ZNF813: variants seen among roughly 807,000 people sequenced by gnomAD.
ZNF813 encodes zinc finger protein 813.
In ZNF813, 3 loss-of-function variants were observed where a neutral mutation model predicts 7.2. The ratio of observed to expected loss-of-function variants is 0.42; its 90% CI spans 0.19 to 1.08. The LOEUF (loss-of-function observed/expected upper bound fraction) is 1.08. ZNF813 is among the 50% of genes least tolerant of loss of function. ZNF813 has a pLI of 0.30. For missense variants in ZNF813, 714 were observed against 753.3 expected (o/e 0.95, Z 0.61); for synonymous variants, 227 against 256.3 (o/e 0.89, Z 1.09).
At chr19:53,485,074 C>T (rs1208093071) in intron 2 of ZNF813, among the ~76,000 whole-genome samples, 1 of 152,118 alleles carries the variant, frequency 6.6e-6, no homozygotes, top group Non-Finnish European at 1.5e-5. Flanking sequence ...AAGTCTCATA[C>T]ACGTGTATTT....
chr19:53,479,664 T>A, intron 1 of ZNF813: 1 of 1,179,474 alleles, frequency 8.5e-7, no homozygotes, highest in Non-Finnish European at 1.2e-6. Context: ...AAGATGGAAC[T>A]CCAGGAAATC....
Position 53,469,456 on chromosome 19 carries a change from G to A in ZNF813, c.-74+1667G>A, listed in dbSNP as rs192662421. Reference sequence around the variant, plus strand: ...CTAAAGGGATCAGGAGACACACGCAGTAGAAAACCTGAGAAAGAAAAGAAT... The same window carrying A: ...CTAAAGGGATCAGGAGACACACGCAATAGAAAACCTGAGAAAGAAAAGAAT... On this transcript the variant is annotated intron_variant, in intron 1 of 3. Transcript: ENST00000396403. Among the ~76,000 whole-genome samples the A allele has an allele frequency of 1.2e-3, 189 of 152,190 alleles. 1 individual carries two copies. In the Middle Eastern group the frequency reaches 0.017, roughly 14 times the overall value.
At chr19:53,479,597 C>A (rs902861623) in intron 1 of ZNF813, 1 of 1,211,710 alleles carries the variant, frequency 8.3e-7, no homozygotes, top group Non-Finnish European at 1.2e-6. Context: ...GGAAAAGCTG[C>A]TGATGAGAGT....
intron 1 of ZNF813, among the ~76,000 whole-genome samples, chr19:53,473,590 T>C (rs2086369404): frequency 6.6e-6 from 1 of 152,170 alleles, no homozygotes; most frequent in Non-Finnish European, 1.5e-5. Flanking sequence ...AAGATTACAA[T>C]ATAGGGCCCA....
chr19:53,490,960 A>G lies in ZNF813; in HGVS notation c.728A>G (p.Tyr243Cys), dbSNP rs2086457535. The change falls in exon 4 of 4, where the codon TAT (tyrosine) becomes TGT (cysteine). Residue 243 changes from tyrosine (Y) to cysteine (C), a missense_variant. By Grantham distance (194) the Tyr-to-Cys change is radical. This residue lies in a region of ZNF813 where 563 missense variants were observed against 554.2 expected (regional missense o/e 1.02). Coordinates refer to ENST00000396403, the MANE Select transcript of ZNF813 (RefSeq NM_001004301.4). ...HQIIHLGEKQ[Y>C]KCDVCGKVFN... is the part of the protein sequence containing the mutation. ...ATAATCCATTTAGGAGAGAAACAATATAAATGTGATGTATGTGGCAAGGTC... is the reference window on the plus strand; with the variant it reads ...ATAATCCATTTAGGAGAGAAACAATGTAAATGTGATGTATGTGGCAAGGTC... 1 of 1,614,198 alleles carries G rather than the reference A, an allele frequency of 6.2e-7. No homozygotes were observed. Among genetic ancestry groups the G allele is most frequent in the Non-Finnish European group, 8.5e-7 (1 of 1,180,024 alleles).
chr19:53,485,612 A>ATATATATCATGAT (rs1555843925), intron 2 of ZNF813, among the ~76,000 whole-genome samples: 7,825 of 150,816 alleles, frequency 0.052, 227 homozygotes, highest in East Asian at 0.097. Context: ...ATATATCGTG[A>ATATATATCATGAT]TATATACATG....
intron 2 of ZNF813, 24 bp downstream of exon 2, chr19:53,483,861 T>G: frequency 1.2e-6 from 2 of 1,613,932 alleles, no homozygotes; most frequent in Non-Finnish European, 1.7e-6. Context: ...TTTGGTGGAT[T>G]GTTCTGTCTC....
intron 3 of ZNF813, among the ~76,000 whole-genome samples, chr19:53,488,011 T>C (rs1208983132): frequency 6.6e-6 from 1 of 152,184 alleles, no homozygotes; most frequent in African/African-American, 2.4e-5. Context: ...TACTTTTATT[T>C]GCCTATTCAT....
chr19:53,484,387 A>C (rs1410298493), intron 2 of ZNF813, among the ~76,000 whole-genome samples: 1 of 152,194 alleles, frequency 6.6e-6, no homozygotes, highest in Non-Finnish European at 1.5e-5. Flanking sequence ...AAGATGTTTT[A>C]TCCCATCATT....
In ZNF813 at chr19:53,488,847, T is replaced by C. The variant is rs566767044; in HGVS notation, c.143-1528T>C. Among the ~76,000 whole-genome samples the C allele has an allele frequency of 5.4e-4, 83 of 152,356 alleles. 1 individual carries two copies. Among genetic ancestry groups the C allele is most frequent in the African/African-American group, 2.0e-3 (82 of 41,594 alleles). ...TGGTATATAGAAGTTGTGGCTTTTT[T>C]CTTAACAGGGAATTGTTTAGAATTC... is the stretch of plus-strand genomic sequence containing the variant. On this transcript the variant is annotated intron_variant, in intron 3 of 3. Coordinates refer to ENST00000396403, the MANE Select transcript of ZNF813 (RefSeq NM_001004301.4).
At chr19:53,485,653 C>A (rs916645578) in intron 2 of ZNF813, among the ~76,000 whole-genome samples, 1 of 149,684 alleles carries the variant, frequency 6.7e-6, no homozygotes, top group African/African-American at 2.5e-5. Context: ...TATGTCATGA[C>A]ATATATACAC....
chr19:53,471,967 G>A (rs141134567), intron 1 of ZNF813, among the ~76,000 whole-genome samples: 143 of 152,286 alleles, frequency 9.4e-4, no homozygotes, highest in African/African-American at 3.2e-3. Flanking sequence ...TAAGCTGCTA[G>A]CAATGTTTTC....
chr19:53,491,843 C>A lies in ZNF813; in HGVS notation c.1611C>A (p.His537Gln). The change falls in exon 4 of 4, where the codon CAC becomes CAA. Residue 537 changes from histidine (H) to glutamine (Q), a missense_variant. Transcript: ENST00000396403. ...ECGKVFNRKT[H>Q]LAHHHRLHTG... ...GCAAGGTTTTTAATCGAAAAACACA[C>A]CTTGCACATCATCATAGACTTCATA... 3.1e-6 allele frequency: 5 copies of A among 1,613,794 alleles called. No individual in the cohort carries two copies. The highest frequency in any genetic ancestry group is 4.2e-6 in the Non-Finnish European group (5 of 1,179,844).
At position 53,490,850 on chromosome 19, in the gene ZNF813, G is replaced by A; in HGVS notation, c.618G>A (p.Gln206=). The A allele has an allele frequency of 6.2e-7, 1 of 1,614,194 alleles. No homozygotes were observed. Among genetic ancestry groups the A allele is most frequent in the South Asian group, 1.1e-5 (1 of 91,082 alleles). ...ATTCTTCGTTACTCACACAAAAACA[G>A]GAGGTACACATGAGAGAAAAGTCTT... The part of the protein sequence containing the change: ...FRNSSLLTQK[Q]EVHMREKSFQ... Residue 206 remains glutamine, a synonymous_variant, in exon 4 of 4, where the codon CAG becomes CAA. Transcript: ENST00000396403.
In ZNF813 at chr19:53,496,054, T is replaced by C; in HGVS notation, c.*3968T>C. On this transcript the variant is annotated 3_prime_UTR_variant, in exon 4 of 4. Coordinates refer to ENST00000396403, the MANE Select transcript of ZNF813 (RefSeq NM_001004301.4). ...GGTCTATAAGGAATTGCACGTGAGA[T>C]GGCACACATATTTATGCTGTGTGAG... 3.0e-6 allele frequency: 1 copy of C among 329,668 alleles called. No homozygotes were observed. Among genetic ancestry groups the C allele is most frequent in the Non-Finnish European group, 5.9e-6 (1 of 168,612 alleles). The allele number at this position is 329,668 out of a possible 1,614,324, so 20.4% of individuals were successfully genotyped here.
chr19:53,484,316 GT>G (rs2086422775), intron 2 of ZNF813, among the ~76,000 whole-genome samples: 2 of 152,066 alleles, frequency 1.3e-5, no homozygotes, highest in African/African-American at 4.8e-5. Flanking sequence ...GAGTTACTGT[GT>G]TTCTGACTCC....
chr19:53,476,706 T>A (rs1433553523), intron 1 of ZNF813, among the ~76,000 whole-genome samples: 4 of 151,970 alleles, frequency 2.6e-5, no homozygotes, highest in Admixed American at 6.5e-5. Context: ...GACGCTTAAG[T>A]GCAGTGGTGC....
chr19:53,478,693 G>A (rs913128554), intron 1 of ZNF813, among the ~76,000 whole-genome samples: 4 of 152,090 alleles, frequency 2.6e-5, no homozygotes, highest in Non-Finnish European at 4.4e-5. Context: ...CACAAGAATC[G>A]CTTAAACCTG....
At chr19:53,487,764 C>T (rs1269222126) in intron 3 of ZNF813, among the ~76,000 whole-genome samples, 1 of 149,896 alleles carries the variant, frequency 6.7e-6, no homozygotes, top group Non-Finnish European at 1.5e-5. Context: ...TGCCATTGCC[C>T]TCCAGCCTGG....
Sources: allele counts gnomAD v4.1 joint callset (sites outside exome capture counted in the v4.1 genomes callset), GRCh38; gene constraint gnomAD v4.1.1; regional missense constraint gnomAD v4.1.1; transcripts MANE v1.5; gene names NCBI Gene and HGNC (gene_info 2026-07-23, HGNC 2026-07-21).